The following PITPNC1 variants were observed in gnomAD, a reference collection of about 807,000 sequenced individuals.
PITPNC1 encodes the protein phosphatidylinositol transfer protein cytoplasmic 1, also known as cytoplasmic phosphatidylinositol transfer protein 1.
A neutral mutation model predicts 44.7 loss-of-function variants in PITPNC1; 18 were observed. That is an observed-to-expected ratio of 0.40 (90% CI 0.28 to 0.60). PITPNC1 has a LOEUF of 0.60. PITPNC1 is among the 20% of genes least tolerant of loss of function. The pLI is 0.39. For synonymous variants in PITPNC1, 141 were observed against 149.6 expected, an observed-to-expected ratio of 0.94 and a Z score of 0.42; for missense variants, 290 against 418.4, an observed-to-expected ratio of 0.69 and a Z score of 2.68.
intron 6 of PITPNC1, among the ~76,000 whole-genome samples, chr17:67,634,596 C>T (rs541534746): frequency 6.6e-6 from 1 of 152,252 alleles, no homozygotes; most frequent in East Asian, 1.9e-4. Flanking sequence ...CACTTCCAAT[C>T]TAACAAATAC....
At chr17:67,505,371 T>C (rs1174646805) in intron 1 of PITPNC1, among the ~76,000 whole-genome samples, 1 of 152,264 alleles carries the variant, frequency 6.6e-6, no homozygotes, top group African/African-American at 2.4e-5. Context: ...TTACCAATTC[T>C]GTCAATTTTT....
At chr17:67,488,956 T>G (rs149698445) in intron 1 of PITPNC1, among the ~76,000 whole-genome samples, 1 of 152,224 alleles carries the variant, frequency 6.6e-6, no homozygotes, top group East Asian at 1.9e-4. Context: ...AATATTCCAT[T>G]GTACGGATAT....
chr17:67,624,737 G>A (rs1402096925), intron 5 of PITPNC1, among the ~76,000 whole-genome samples: 1 of 150,866 alleles, frequency 6.6e-6, no homozygotes, highest in Non-Finnish European at 1.5e-5. Context: ...TGCCTAGGCT[G>A]GTCTCAAACT....
At chr17:67,647,483 T>TTG (rs2042165129) in intron 6 of PITPNC1, among the ~76,000 whole-genome samples, 2 of 136,096 alleles carry the variant, frequency 1.5e-5, no homozygotes, top group African/African-American at 5.9e-5. Flanking sequence ...TTTTTTTTTT[T>TTG]TTTTTTTTTT....
intron 1 of PITPNC1, among the ~76,000 whole-genome samples, chr17:67,494,189 C>T (rs72845160): frequency 5.0e-4 from 31 of 62,140 alleles, no homozygotes; most frequent in African/African-American, 1.5e-3. Flanking sequence ...CTTTCTTTTT[C>T]TTTCTTTCTT....
intron 1 of PITPNC1, among the ~76,000 whole-genome samples, chr17:67,436,908 G>GTTTTTT (rs1044625193): frequency 2.2e-4 from 15 of 68,458 alleles, no homozygotes; most frequent in South Asian, 6.3e-4. Context: ...AAATAGGGGT[G>GTTTTTT]TTTTTTTTTT....
intron 1 of PITPNC1, among the ~76,000 whole-genome samples, chr17:67,414,440 C>T (rs1008262269): frequency 1.3e-5 from 2 of 151,216 alleles, no homozygotes; most frequent in East Asian, 3.9e-4. Context: ...AAAAGCCCCA[C>T]CCCCCCATAT....
chr17:67,465,177 T>C (rs771432028), intron 1 of PITPNC1, among the ~76,000 whole-genome samples: 2 of 152,230 alleles, frequency 1.3e-5, no homozygotes, highest in Non-Finnish European at 2.9e-5. Flanking sequence ...TGTATGTTGT[T>C]GAACATACAC....
chr17:67,390,065 T>A (rs116424845), intron 1 of PITPNC1, among the ~76,000 whole-genome samples: 1 of 151,190 alleles, frequency 6.6e-6, no homozygotes. Flanking sequence ...GAGAGAGCCA[T>A]TGAGAGGCAG....
At chr17:67,629,661 G>A (rs531840758) in intron 5 of PITPNC1, among the ~76,000 whole-genome samples, 3 of 152,256 alleles carry the variant, frequency 2.0e-5, no homozygotes, top group Admixed American at 1.3e-4. Flanking sequence ...GAAGGAGCGG[G>A]GGGGACTGGC....
At position 67,490,362 on chromosome 17, in the gene PITPNC1, G is replaced by GT. The variant is rs368543009; in HGVS notation, c.49-42431dup. 4.9e-3 allele frequency among the ~76,000 whole-genome samples: 731 copies of GT among 150,452 alleles called. 7 individuals carry two copies. The highest frequency in any genetic ancestry group is 0.01 in the Middle Eastern group (3 of 294). Reference sequence around the variant, plus strand: ...TTGTTGGTTTTTTGTTTTTTGTTTTGTTTTTTTTTAAATCTTGGCTTTAAA... The same window carrying GT: ...TTGTTGGTTTTTTGTTTTTTGTTTTGTTTTTTTTTTAAATCTTGGCTTTAAA... On this transcript the variant is annotated intron_variant, in intron 1 of 8. Coordinates refer to ENST00000581322, the MANE Select transcript of PITPNC1 (RefSeq NM_012417.4).
intron 5 of PITPNC1, chr17:67,613,523 T>C (rs2041716314): frequency 6.6e-6 from 1 of 152,346 alleles, no homozygotes; most frequent in South Asian, 2.1e-4. Context: ...GGCTCATTTA[T>C]GTTACAGCCA....
At chr17:67,510,068 C>CGGA (rs1408090612) in intron 1 of PITPNC1, among the ~76,000 whole-genome samples, 1 of 152,194 alleles carries the variant, frequency 6.6e-6, no homozygotes, top group African/African-American at 2.4e-5. Flanking sequence ...GGGAGGCTTC[C>CGGA]AGTCAGTATC....
chr17:67,442,187 G>A (rs990670123), intron 1 of PITPNC1, among the ~76,000 whole-genome samples: 1 of 123,696 alleles, frequency 8.1e-6, no homozygotes, highest in Non-Finnish European at 1.6e-5. Context: ...ATTGGAGCTG[G>A]ATCAGGGGAA....
chr17:67,437,426 G>A (rs1442028000), intron 1 of PITPNC1, among the ~76,000 whole-genome samples: 1 of 152,132 alleles, frequency 6.6e-6, no homozygotes, highest in Non-Finnish European at 1.5e-5. Flanking sequence ...GGGGCCACCA[G>A]AAGCTGGAAG....
intron 6 of PITPNC1, among the ~76,000 whole-genome samples, chr17:67,667,294 C>T (rs979271571): frequency 2.0e-4 from 30 of 152,008 alleles, no homozygotes; most frequent in African/African-American, 7.2e-4. Flanking sequence ...TCTGGGAGGC[C>T]GAGGTGGGCA....
At chr17:67,471,874 G>A (rs1006601006) in intron 1 of PITPNC1, among the ~76,000 whole-genome samples, 1 of 151,924 alleles carries the variant, frequency 6.6e-6, no homozygotes, top group African/African-American at 2.4e-5. Context: ...GATTTAATCA[G>A]GATATAATGT....
intron 3 of PITPNC1, 55 bp downstream of exon 3, chr17:67,552,400 A>G: frequency 1.1e-6 from 1 of 913,092 alleles, no homozygotes; most frequent in South Asian, 1.3e-5. Context: ...GACATAGCAT[A>G]GTTGAATTTC....
At chr17:67,568,319 G>A (rs1044720827) in intron 4 of PITPNC1, among the ~76,000 whole-genome samples, 2 of 152,154 alleles carry the variant, frequency 1.3e-5, no homozygotes, top group African/African-American at 4.8e-5. Context: ...TAGATTAGGA[G>A]TTGCGTACAT....
Sources: allele counts gnomAD v4.1 joint callset (sites outside exome capture counted in the v4.1 genomes callset), GRCh38; gene constraint gnomAD v4.1.1; transcripts MANE v1.5; gene names NCBI Gene and HGNC (gene_info 2026-07-23, HGNC 2026-07-21).